The following CCDC171 variants were observed in gnomAD, a reference collection of about 807,000 sequenced individuals.
The protein encoded by CCDC171 is coiled-coil domain-containing protein 171.
CCDC171 carries 177 observed loss-of-function variants against 168.2 expected under a neutral mutation model. The ratio of observed to expected loss-of-function variants is 1.05; its 90% CI spans 0.93 to 1.19. CCDC171 has a LOEUF of 1.19. Among genes scored for constraint, CCDC171 ranks in the 50% most tolerant of loss-of-function variants. The pLI, the probability that CCDC171 is intolerant of heterozygous loss-of-function variation, is 0.00. For missense variants in CCDC171, 1,991 were observed against 1,539.0 expected (o/e 1.29, Z -4.91); for synonymous variants, 687 against 540.8 (o/e 1.27, Z -3.75).
chr9:15,780,729 C>A (rs549565398), intron 20 of CCDC171, among the ~76,000 whole-genome samples: 1 of 152,052 alleles, frequency 6.6e-6, no homozygotes, highest in Non-Finnish European at 1.5e-5. Flanking sequence ...TATATGTATA[C>A]ATGTATGCAC....
chr9:16,001,220 A>T (rs1012497728), intron 3 of CCDC171, among the ~76,000 whole-genome samples: 4 of 152,144 alleles, frequency 2.6e-5, no homozygotes, highest in Non-Finnish European at 5.9e-5. Flanking sequence ...CCAGTTTCTC[A>T]AAGTGCTGAT....
chr9:15,839,518 G>A (rs10756709), intron 21 of CCDC171, among the ~76,000 whole-genome samples: 50,135 of 151,890 alleles, frequency 0.33, 10,056 homozygotes, highest in East Asian at 0.64. Context: ...TAGTTTTCTC[G>A]TGTAAAACAG....
At chr9:15,698,632 T>C (rs1416209536) in intron 11 of CCDC171, among the ~76,000 whole-genome samples, 1 of 152,164 alleles carries the variant, frequency 6.6e-6, no homozygotes, top group African/African-American at 2.4e-5. Flanking sequence ...TGACAGGGTT[T>C]CATTCTTTTT....
rs2048723428 is a variant in CCDC171, at chr9:15,666,215, C to G, written c.968C>G (p.Ala323Gly). Residue 323 changes from alanine (A) to glycine (G), a missense_variant, in exon 9 of 26, where the codon GCA becomes GGA. Transcript: ENST00000380701. ...TTGCAAGTAGAGAAGGCCAGTCAAG[C>G]AGAAGCTGTTGCTGATTTGGAAATT... ...GALQVEKASQ[A>G]EAVADLEIIK... 1.2e-6 allele frequency: 2 copies of G among 1,613,594 alleles called. No homozygotes were observed. The highest frequency in any genetic ancestry group is 2.2e-5 in the South Asian group (2 of 91,048).
At chr9:15,617,827 C>T (rs935639795) in intron 6 of CCDC171, among the ~76,000 whole-genome samples, 5 of 152,166 alleles carry the variant, frequency 3.3e-5, no homozygotes, top group Non-Finnish European at 7.4e-5. Context: ...CTGGGTATCA[C>T]TAGTGGAGGC....
rs116885770 is a variant in CCDC171 at position 15,966,108 on chromosome 9, G to A, written c.3754-5501G>A. 7.9e-5 allele frequency among the ~76,000 whole-genome samples: 12 copies of A among 152,226 alleles called. No homozygotes were observed. In the East Asian group the frequency reaches 2.3e-3, roughly 29 times the overall value. ...ACTAAGTGCTCATAGTTTTATAGCG[G>A]AAATATAAGGATATACAAATAAGTG... is the stretch of plus-strand genomic sequence containing the variant. On this transcript the variant is annotated intron_variant, in intron 25 of 25. Transcript: ENST00000380701.
chr9:15,752,087 T>C (rs1303076947), intron 18 of CCDC171, among the ~76,000 whole-genome samples: 2 of 152,066 alleles, frequency 1.3e-5, no homozygotes, highest in Admixed American at 1.3e-4. Context: ...CATCAAAAAG[T>C]GGGCAAAGGA....
intron 7 of CCDC171, among the ~76,000 whole-genome samples, chr9:15,624,011 C>G (rs1366376908): frequency 2.0e-5 from 3 of 152,044 alleles, no homozygotes; most frequent in Admixed American, 6.6e-5. Flanking sequence ...AATATTTAAA[C>G]AGATAAAGAA....
rs752823080 is a variant in CCDC171, at chr9:15,623,247, A to AAAAATG, written c.676-17_676-12dup. On this transcript the variant is annotated intron_variant, in intron 6 of 25. Coordinates refer to ENST00000380701, the MANE Select transcript of CCDC171 (RefSeq NM_173550.4). Reference sequence around the variant, plus strand: ...GATGGCTTATAAACTTTATTGATGCAAAAATGAATTATTTTCCAGGAGCAA... The same window carrying AAAAATG: ...GATGGCTTATAAACTTTATTGATGCAAAAATGAAAATGAATTATTTTCCAGGAGCAA... 6.5e-7 allele frequency: 1 copy of AAAAATG among 1,540,682 alleles called. No homozygotes were observed. Among genetic ancestry groups the AAAAATG allele is most frequent in the Admixed American group, 1.9e-5 (1 of 52,290 alleles).
the CCDC171 span, among the ~76,000 whole-genome samples, chr9:16,081,855 T>TAA: frequency 8.8e-5 from 13 of 147,590 alleles, no homozygotes; most frequent in African/African-American, 2.2e-4. Context: ...TTGATTACTT[T>TAA]AAAAAAAAAA....
intron 3 of CCDC171, among the ~76,000 whole-genome samples, chr9:15,998,264 C>G (rs1832432995): frequency 6.6e-6 from 1 of 152,154 alleles, no homozygotes; most frequent in South Asian, 2.1e-4. Context: ...AGTACGGTGC[C>G]TCATCTTTGC....
intron 7 of CCDC171, among the ~76,000 whole-genome samples, chr9:15,634,865 C>G (rs377622366): frequency 2.6e-5 from 4 of 152,144 alleles, no homozygotes; most frequent in Non-Finnish European, 4.4e-5. Flanking sequence ...TTTGCCTATT[C>G]TAGACATTCC....
At chr9:15,657,286 G>T (rs1331032460) in intron 8 of CCDC171, 67 bp downstream of exon 8, 2 of 916,964 alleles carry the variant, frequency 2.2e-6, no homozygotes, top group East Asian at 5.1e-5. Context: ...GGGAAAAACA[G>T]CACTGTGTTC....
intron 7 of CCDC171, among the ~76,000 whole-genome samples, chr9:15,623,754 T>C (rs2044781761): frequency 6.6e-6 from 1 of 152,064 alleles, no homozygotes; most frequent in African/African-American, 2.4e-5. Context: ...ACAGGAAAAG[T>C]TTTGGTGTAC....
intron 25 of CCDC171, among the ~76,000 whole-genome samples, chr9:15,926,407 A>G (rs1398362190): frequency 6.6e-6 from 1 of 151,608 alleles, no homozygotes; most frequent in Non-Finnish European, 1.5e-5. Flanking sequence ...CCTTACCTTC[A>G]TCGGTTCCCA....
intron 7 of CCDC171, among the ~76,000 whole-genome samples, chr9:15,637,884 G>A (rs1028445246): frequency 6.6e-6 from 1 of 151,950 alleles, no homozygotes; most frequent in Non-Finnish European, 1.5e-5. Flanking sequence ...GGACATTTGG[G>A]TTGGTTCCAA....
intron 25 of CCDC171, among the ~76,000 whole-genome samples, chr9:15,950,232 T>C (rs958592444): frequency 1.5e-5 from 2 of 135,748 alleles, no homozygotes; most frequent in African/African-American, 2.4e-5. Context: ...TTCCCCAATC[T>C]AGCAAGGCAG....
chr9:16,007,733 G>C (rs1000153583), intron 3 of CCDC171, among the ~76,000 whole-genome samples: 2 of 152,206 alleles, frequency 1.3e-5, no homozygotes, highest in Non-Finnish European at 2.9e-5. Flanking sequence ...TCAAAGATCA[G>C]CTGGTTGTAG....
intron 21 of CCDC171, among the ~76,000 whole-genome samples, chr9:15,824,592 T>G (rs541062272): frequency 3.9e-5 from 6 of 152,200 alleles, no homozygotes; most frequent in Non-Finnish European, 5.9e-5. Flanking sequence ...GATTATGACT[T>G]TCACAGAATT....
Sources: allele counts gnomAD v4.1 joint callset (sites outside exome capture counted in the v4.1 genomes callset), GRCh38; gene constraint gnomAD v4.1.1; transcripts MANE v1.5; gene names NCBI Gene and HGNC (gene_info 2026-07-23, HGNC 2026-07-21).